The following RPL7A variants were observed in gnomAD, a reference collection of about 807,000 sequenced individuals.
RPL7A encodes large ribosomal subunit protein eL8.
For synonymous variants in RPL7A, 158 were observed against 128.2 expected, an observed-to-expected ratio of 1.23 and a Z score of -1.57; for missense variants, 291 against 338.2, an observed-to-expected ratio of 0.86 and a Z score of 1.09.
rs2129976840 is a variant in RPL7A at position 133,348,222 on chromosome 9, C to A, written c.-22C>A. 1.2e-6 allele frequency: 2 copies of A among 1,614,072 alleles called. No individual in the cohort carries two copies. Among genetic ancestry groups the A allele is most frequent in the African/African-American group, 1.3e-5 (1 of 75,056 alleles). On this transcript the variant is annotated 5_prime_UTR_variant, in exon 1 of 8. Coordinates refer to ENST00000323345, the MANE Select transcript of RPL7A (RefSeq NM_000972.3). The stretch of plus-strand genomic sequence containing the variant: ...TATTACCCACAATTCCCTTTCCTTT[C>A]TCTCTCCTCCCGCCGCCCAAGATGG...
chr9:133,350,157 C>T, intron 4 of RPL7A, 83 bp from the exon 5 acceptor site: 1 of 1,612,030 alleles, frequency 6.2e-7, no homozygotes, highest in Non-Finnish European at 8.5e-7. Flanking sequence ...AGCTTTTTAA[C>T]ACTGAGTCAG....
intron 3 of RPL7A, 98 bp from the exon 4 acceptor site, chr9:133,349,814 T>C (rs1588685121): frequency 1.9e-6 from 3 of 1,578,764 alleles, no homozygotes; most frequent in Middle Eastern, 1.7e-4. Flanking sequence ...TAAATTATAG[T>C]CATATAGCAG....
At chr9:133,350,568 T>TA in intron 5 of RPL7A, 29 bp from the exon 6 acceptor site, 1 of 1,614,194 alleles carries the variant, frequency 6.2e-7, no homozygotes, top group Non-Finnish European at 8.5e-7. Context: ...TTGGTCAAAA[T>TA]ACAGTCTTCA....
At chr9:133,348,601 T>G in intron 1 of RPL7A, 1 of 602,696 alleles carries the variant, frequency 1.7e-6, no homozygotes, top group Non-Finnish European at 3.0e-6. Flanking sequence ...AGCCCGCCCC[T>G]GTTGCTTCTA....
intron 1 of RPL7A, 80 bp downstream of exon 1, chr9:133,348,326 G>A (rs1488993547): frequency 1.9e-6 from 3 of 1,591,024 alleles, no homozygotes; most frequent in Middle Eastern, 1.7e-4. Flanking sequence ...CGCGGCCTCG[G>A]AGGGCCTCCT....
chr9:133,350,985 C>T lies in RPL7A; in HGVS notation c.627-17C>T, dbSNP rs1836383286. The T allele has an allele frequency of 6.2e-7, 1 of 1,613,526 alleles. No homozygotes were observed. The highest frequency in any genetic ancestry group is 1.3e-5 in the African/African-American group (1 of 74,914). On this transcript the variant is annotated splice_polypyrimidine_tract_variant and intron_variant, in intron 6 of 7. Transcript: ENST00000323345. ...TAAGGCAAAAAACCCACTTTTGTTT[C>T]CCCTCCTGCCTTTTAGGGAAGACAA...
chr9:133,350,491 T>G lies in RPL7A; in HGVS notation c.496-106T>G, dbSNP rs2129994080. ...GTGAATCTCTCACTGAATTCAACCT[T>G]GAAGTGCGAATCCATGAGCTTTTTA... On this transcript the variant is annotated intron_variant, in intron 5 of 7. Transcript: ENST00000323345. 4.4e-6 allele frequency: 7 copies of G among 1,583,198 alleles called. No homozygotes were observed. In the African/African-American group the frequency reaches 9.4e-5, roughly 21 times the overall value.
chr9:133,348,876 A>C (rs202094353), intron 1 of RPL7A, 46 bp from the exon 2 acceptor site: 1 of 1,613,100 alleles, frequency 6.2e-7, no homozygotes, highest in East Asian at 2.2e-5. Context: ...ACCCCCGACG[A>C]AGCGAGTGGA....
rs2129996852 is a variant in RPL7A, at chr9:133,350,908, G to A, written c.627-94G>A. Reference sequence around the variant, plus strand: ...ACCATGTGGTCAGCATTGCATCTGAGGCAAAAGACTGTCTTGAGCTAAAAG... The same window carrying A: ...ACCATGTGGTCAGCATTGCATCTGAAGCAAAAGACTGTCTTGAGCTAAAAG... On this transcript the variant is annotated intron_variant, in intron 6 of 7. Coordinates refer to ENST00000323345, the MANE Select transcript of RPL7A (RefSeq NM_000972.3). The A allele has an allele frequency of 2.0e-6, 3 of 1,508,678 alleles. No individual in the cohort carries two copies. In the African/African-American group the frequency reaches 4.1e-5, roughly 21 times the overall value. The allele number at this position is 1,508,678 out of a possible 1,614,324, so 93.5% of individuals were successfully genotyped here. A position where few individuals can be genotyped will look rare whatever the true frequency, so the allele number is the denominator to read the frequency against.
In RPL7A at chr9:133,350,231, G is replaced by T; in HGVS notation, c.416-9G>T. 1 of 1,613,926 alleles carries T rather than the reference G, an allele frequency of 6.2e-7. No individual in the cohort carries two copies. Among genetic ancestry groups the T allele is most frequent in the Admixed American group, 1.7e-5 (1 of 59,988 alleles). On this transcript the variant is annotated splice_polypyrimidine_tract_variant and intron_variant, in intron 4 of 7. Transcript: ENST00000323345. Reference sequence around the variant, plus strand: ...CTGTGAGTGCTCACAAAGTGGTTGTGTGTTCTAGGAGTTAACACCGTCACC... The same window carrying T: ...CTGTGAGTGCTCACAAAGTGGTTGTTTGTTCTAGGAGTTAACACCGTCACC...
Position 133,350,664 on chromosome 9 carries a change from C to T in RPL7A, c.563C>T (p.Ala188Val). ...GVPYCIIKGK[A>V]RLGRLVHRKT... ...CCTTACTGCATTATCAAGGGAAAGGCAAGACTGGGACGTCTAGTCCACAGG... is the reference window on the plus strand; with the variant it reads ...CCTTACTGCATTATCAAGGGAAAGGTAAGACTGGGACGTCTAGTCCACAGG... Residue 188 changes from alanine to valine, a missense_variant, in exon 6 of 8, where the codon GCA becomes GTA. Coordinates refer to ENST00000323345, the MANE Select transcript of RPL7A (RefSeq NM_000972.3). The T allele has an allele frequency of 6.2e-7, 1 of 1,614,118 alleles. No individual in the cohort carries two copies. The highest frequency in any genetic ancestry group is 1.1e-5 in the South Asian group (1 of 91,092).
Position 133,350,058 on chromosome 9 carries a change from T to G in RPL7A, c.415+6T>G. The G allele has an allele frequency of 2.5e-6, 4 of 1,613,770 alleles. No homozygotes were observed. Among genetic ancestry groups the G allele is most frequent in the Non-Finnish European group, 3.4e-6 (4 of 1,179,988 alleles). ...ACCACCTGTCCTTCGAGCAGGTGAG[T>G]AGGCCCCACCTTAGGGTGAACACTG... On this transcript the variant is annotated splice_donor_region_variant and intron_variant, in intron 4 of 7. Coordinates refer to ENST00000323345, the MANE Select transcript of RPL7A (RefSeq NM_000972.3).
rs2129982937 is a variant in RPL7A, at chr9:133,349,048, TAACA to T, written c.124+10_124+13del. 3.7e-6 allele frequency: 6 copies of T among 1,613,276 alleles called. No individual in the cohort carries two copies. The highest frequency in any genetic ancestry group is 3.3e-5 in the South Asian group (3 of 91,046). On this transcript the variant is annotated splice_region_variant and intron_variant, in intron 2 of 7. Coordinates refer to ENST00000323345, the MANE Select transcript of RPL7A (RefSeq NM_000972.3). ...GCCTAAGAATTTTGGCATTGGTAAG[TAACA>T]AACGGCAGAATGAAAACGGTCTATG...
At chr9:133,350,146 G>C in intron 4 of RPL7A, 94 bp downstream of exon 4, 2 of 1,612,780 alleles carry the variant, frequency 1.2e-6, no homozygotes, top group Non-Finnish European at 1.7e-6. Flanking sequence ...GAGTAAAACC[G>C]AGCTTTTTAA....
intron 7 of RPL7A, 31 bp from the exon 8 acceptor site, chr9:133,351,231 C>T (rs111938357): frequency 3.1e-6 from 5 of 1,599,506 alleles, no homozygotes; most frequent in African/African-American, 2.7e-5. Flanking sequence ...AAACAGTAAG[C>T]CAAGCTAACT....
In RPL7A at chr9:133,350,754, T is replaced by TC. The variant is rs2129995925; in HGVS notation, c.626+33dup. 8 of 1,608,120 alleles carry TC rather than the reference T, an allele frequency of 5.0e-6. No individual in the cohort carries two copies. In the South Asian group the frequency reaches 5.5e-5, roughly 11 times the overall value. Reference sequence around the variant, plus strand: ...TAAGTACACAGCCTGGCCCCAAACTTCCCCCCAGTTCATTTAATCCATGCC... The same window carrying TC: ...TAAGTACACAGCCTGGCCCCAAACTTCCCCCCCAGTTCATTTAATCCATGCC... On this transcript the variant is annotated intron_variant, in intron 6 of 7. Coordinates refer to ENST00000323345, the MANE Select transcript of RPL7A (RefSeq NM_000972.3).
Position 133,349,474 on chromosome 9 carries a change from A to G in RPL7A, c.125-77A>G, listed in dbSNP as rs2129986414. The G allele has an allele frequency of 1.7e-5, 27 of 1,576,664 alleles. No individual in the cohort carries two copies. The South Asian group carries it at 1.9e-4, about 11-fold the overall frequency. Reference sequence around the variant, plus strand: ...AACCACCAAGATCGCTGATGCACCAACACCCTTCCTAGTGGCCCCAGACAT... The same window carrying G: ...AACCACCAAGATCGCTGATGCACCAGCACCCTTCCTAGTGGCCCCAGACAT... On this transcript the variant is annotated intron_variant, in intron 2 of 7. Coordinates refer to ENST00000323345, the MANE Select transcript of RPL7A (RefSeq NM_000972.3).
rs199816702 is a variant in RPL7A, at chr9:133,349,957, A to G, written c.320A>G (p.Lys107Arg). 175 of 1,611,872 alleles carry G rather than the reference A, an allele frequency of 1.1e-4. No individual in the cohort carries two copies. The highest frequency in any genetic ancestry group is 1.4e-4 in the Non-Finnish European group (166 of 1,180,028). ...GCCCACAAGTACAGACCAGAGACAAAGCAAGAGAAGAAGCAGAGACTGTTG... is the reference window on the plus strand; with the variant it reads ...GCCCACAAGTACAGACCAGAGACAAGGCAAGAGAAGAAGCAGAGACTGTTG... ...KLAHKYRPET[K>R]QEKKQRLLAR... is the part of the protein sequence containing the mutation. Residue 107 changes from lysine (K) to arginine (R), a missense_variant, in exon 4 of 8, where the codon AAG becomes AGG. Physicochemically the swap from Lys to Arg is conservative, Grantham distance 26 (BLOSUM62 2). Transcript: ENST00000323345.
intron 5 of RPL7A, 84 bp from the exon 6 acceptor site, chr9:133,350,510 CTTT>C: frequency 1.2e-6 from 2 of 1,604,408 alleles, no homozygotes; most frequent in South Asian, 2.2e-5. Context: ...AATCCATGAG[CTTT>C]TTAACCCTGA....
Sources: allele counts gnomAD v4.1 joint callset, GRCh38; gene constraint gnomAD v4.1.1; transcripts MANE v1.5; gene names NCBI Gene and HGNC (gene_info 2026-07-23, HGNC 2026-07-21).